The following FAM149A variants were observed in gnomAD, a reference collection of about 807,000 sequenced individuals.
FAM149A encodes protein FAM149A.
A neutral mutation model predicts 78.2 loss-of-function variants in FAM149A; 71 were observed. The ratio of observed to expected loss-of-function variants is 0.91; its 90% CI spans 0.75 to 1.11. FAM149A has a LOEUF of 1.11. Ranked by LOEUF, FAM149A falls within the 50% of genes least tolerant of loss-of-function variation. FAM149A has a pLI of 0.00. For synonymous variants in FAM149A, 446 were observed against 410.5 expected, an observed-to-expected ratio of 1.09 and a Z score of -1.04; for missense variants, 1,036 against 971.0, an observed-to-expected ratio of 1.07 and a Z score of -0.89.
At chr4:186,157,103 A>G (rs1027147621) in intron 7 of FAM149A, among the ~76,000 whole-genome samples, 11 of 152,008 alleles carry the variant, frequency 7.2e-5, no homozygotes, top group Non-Finnish European at 1.6e-4. Flanking sequence ...TGTTCGTGAC[A>G]TTATCTGTAA....
chr4:186,109,562 G>A (rs2099310349), intron 1 of FAM149A: 1 of 985,338 alleles, frequency 1.0e-6, no homozygotes. Flanking sequence ...TTCTTCCCTA[G>A]CTGTAGTTTT....
At chr4:186,114,006 C>T (rs200175229) in intron 1 of FAM149A, among the ~76,000 whole-genome samples, 26,176 of 144,108 alleles carry the variant, frequency 0.18, 2,941 homozygotes, top group Non-Finnish European at 0.24. Context: ...TTAAAGTCTC[C>T]CATTATTATT....
intron 7 of FAM149A, among the ~76,000 whole-genome samples, chr4:186,156,999 A>G (rs751990071): frequency 4.6e-5 from 7 of 152,210 alleles, no homozygotes; most frequent in Admixed American, 4.6e-4. Flanking sequence ...GAAAACACAC[A>G]GATACACAAG....
Position 186,162,909 on chromosome 4 carries a change from C to T in FAM149A, c.1640C>T (p.Pro547Leu), listed in dbSNP as rs1000736356. 2.4e-5 allele frequency: 38 copies of T among 1,610,542 alleles called. No individual in the cohort carries two copies. Among genetic ancestry groups the T allele is most frequent in the East Asian group, 1.3e-4 (6 of 44,706 alleles). Reference sequence around the variant, plus strand: ...GGTGTCATGACAATTCAAGCAAAACCGCTTCAGCGGAGACCTGCCTATTTT... The same window carrying T: ...GGTGTCATGACAATTCAAGCAAAACTGCTTCAGCGGAGACCTGCCTATTTT... The change falls in exon 9 of 14, where the codon CCG (proline) becomes CTG (leucine). Residue 547 changes from proline to leucine, a missense_variant. Transcript: ENST00000389354.
chr4:186,105,515 C>T lies in FAM149A; in HGVS notation c.439C>T (p.Pro147Ser). ...CGCGCTCCCCAGGAACCCGCTCCAG[C>T]CTGGCCCCGGAGAGCGAGAGCTCGG... Residue 147 changes from proline (P) to serine (S), a missense_variant, in exon 1 of 14, where the codon CCT becomes TCT. Physicochemically the swap from Pro to Ser is moderately conservative, Grantham distance 74. This residue lies in a region of FAM149A where 316 missense variants were observed against 241.9 expected (regional missense o/e 1.31). Coordinates refer to ENST00000389354, the MANE Select transcript of FAM149A (RefSeq NM_001367768.3). The T allele has an allele frequency of 8.6e-7, 1 of 1,164,330 alleles. No homozygotes were observed. The highest frequency in any genetic ancestry group is 1.1e-6 in the Non-Finnish European group (1 of 936,488). 72.1% of individuals were successfully genotyped at this position (1,164,330 alleles called of 1,614,324 possible).
In FAM149A at chr4:186,163,418, T is replaced by C. The variant is rs777818624; in HGVS notation, c.1680-6T>C. 1.9e-6 allele frequency: 3 copies of C among 1,612,128 alleles called. No homozygotes were observed. Among genetic ancestry groups the C allele is most frequent in the Admixed American group, 1.7e-5 (1 of 59,988 alleles). On this transcript the variant is annotated splice_polypyrimidine_tract_variant and splice_region_variant and intron_variant, in intron 9 of 13. Coordinates refer to ENST00000389354, the MANE Select transcript of FAM149A (RefSeq NM_001367768.3). ...AGCTGAGTAGCTCACAGGATTTCCTTCCCAGGAATGAGAAGGAGGACAAAG... is the reference window on the plus strand; with the variant it reads ...AGCTGAGTAGCTCACAGGATTTCCTCCCCAGGAATGAGAAGGAGGACAAAG...
chr4:186,157,820 G>A lies in FAM149A; in HGVS notation c.1575+101G>A, dbSNP rs972546015. The A allele has an allele frequency of 5.1e-6, 8 of 1,558,298 alleles. No homozygotes were observed. In the African/African-American group the frequency reaches 8.2e-5, roughly 16 times the overall value. ...CTGCAGTACTGAGATATTTGGGGCT[G>A]CTTTCCACGCTGCCCGCAGAGGGGT... On this transcript the variant is annotated intron_variant, in intron 8 of 13. Coordinates refer to ENST00000389354, the MANE Select transcript of FAM149A (RefSeq NM_001367768.3).
At position 186,105,014 on chromosome 4, in the gene FAM149A, G is replaced by A. The variant is rs1344102273; in HGVS notation, c.-63G>A. 3 of 1,246,596 alleles carry A rather than the reference G, an allele frequency of 2.4e-6. No individual in the cohort carries two copies. Among genetic ancestry groups the A allele is most frequent in the African/African-American group, 1.6e-5 (1 of 61,530 alleles). The allele number at this position is 1,246,596 out of a possible 1,614,324, so 77.2% of individuals were successfully genotyped here. A position where few individuals can be genotyped will look rare whatever the true frequency, so the allele number is the denominator to read the frequency against. On this transcript the variant is annotated 5_prime_UTR_variant, in exon 1 of 14. Transcript: ENST00000389354. Reference sequence around the variant, plus strand: ...TCCTCGCCCCGGCCCGGGCCGCCTCGGCCGGATCTCCGCGGTCTGAACTCT... The same window carrying A: ...TCCTCGCCCCGGCCCGGGCCGCCTCAGCCGGATCTCCGCGGTCTGAACTCT...
At chr4:186,122,143 A>AC (rs1279709558) in intron 1 of FAM149A, among the ~76,000 whole-genome samples, 4 of 152,230 alleles carry the variant, frequency 2.6e-5, no homozygotes. Context: ...AAGAAGTCTG[A>AC]AAGAAGCTAT....
chr4:186,156,276 C>A (rs1290125488), intron 7 of FAM149A, 86 bp downstream of exon 7: 1 of 1,096,330 alleles, frequency 9.1e-7, no homozygotes, highest in Non-Finnish European at 1.3e-6. Flanking sequence ...TTGGCCAGAC[C>A]TAGAACGTGA....
chr4:186,169,503 G>A (rs1384971796), intron 13 of FAM149A: 7 of 983,384 alleles, frequency 7.1e-6, no homozygotes, highest in Non-Finnish European at 8.4e-6. Context: ...CCTCAAAAAT[G>A]GAAAGCTCTT....
chr4:186,111,780 G>A (rs1469135743), intron 1 of FAM149A, among the ~76,000 whole-genome samples: 5 of 151,410 alleles, frequency 3.3e-5, no homozygotes, highest in African/African-American at 7.3e-5. Flanking sequence ...CCAGTACCAT[G>A]CTGTTTTGGT....
intron 13 of FAM149A, chr4:186,167,650 A>T (rs567851618): frequency 3.2e-6 from 1 of 309,846 alleles, no homozygotes; most frequent in Non-Finnish European, 6.4e-6. Flanking sequence ...TGCTTGAGAA[A>T]ATTAACACAG....
At position 186,164,078 on chromosome 4, in the gene FAM149A, T is replaced by C. The variant is rs574491339; in HGVS notation, c.1889+445T>C. Among the ~76,000 whole-genome samples the C allele has an allele frequency of 6.6e-6, 1 of 152,336 alleles. No individual in the cohort carries two copies. The highest frequency in any genetic ancestry group is 1.9e-4 in the East Asian group (1 of 5,186). On this transcript the variant is annotated intron_variant, in intron 10 of 13. Transcript: ENST00000389354. This position sits in a 1 kb window ranked among gnomAD's most constrained non-coding sequence, Gnocchi z 4.0. ...GTGGGAGTTTCAGCAAAGCTGTTGA[T>C]TGCAGGATTCACATCCCGTCATGGC...
intron 1 of FAM149A, chr4:186,123,273 A>G: frequency 1.0e-6 from 1 of 985,274 alleles, no homozygotes; most frequent in Non-Finnish European, 1.2e-6. Flanking sequence ...TTGGCAAAGT[A>G]TGGTTGTTAG....
chr4:186,162,809 T>G, intron 8 of FAM149A, 36 bp from the exon 9 acceptor site: 2 of 993,834 alleles, frequency 2.0e-6, no homozygotes, highest in Admixed American at 2.4e-5. Context: ...CATTTGTAAT[T>G]CTTTTTTTTT....
intron 7 of FAM149A, among the ~76,000 whole-genome samples, chr4:186,157,076 A>T (rs1295121696): frequency 6.6e-6 from 1 of 152,188 alleles, no homozygotes; most frequent in Non-Finnish European, 1.5e-5. Context: ...TCTAATAATG[A>T]GATATTTGTT....
chr4:186,149,093 AAG>A (rs1051474894), intron 1 of FAM149A, 78 bp from the exon 2 acceptor site: 11 of 1,169,388 alleles, frequency 9.4e-6, no homozygotes, highest in South Asian at 3.0e-5. Context: ...CTTTGTATAA[AAG>A]AGAAATTTTA....
chr4:186,143,114 G>A (rs1732645391), intron 1 of FAM149A, among the ~76,000 whole-genome samples: 1 of 142,586 alleles, frequency 7.0e-6, no homozygotes, highest in Non-Finnish European at 1.5e-5. Context: ...GCTAGCATAT[G>A]TTTGGATCTT....
Sources: gnomAD v4.1 joint callset for allele counts (sites outside exome capture counted in the v4.1 genomes callset) on GRCh38, gnomAD v4.1.1 for gene constraint, gnomAD v4.1.1 regional missense constraint, Gnocchi (gnomAD v3.1) non-coding constraint, MANE v1.5 for transcripts, NCBI Gene and HGNC (gene_info 2026-07-23, HGNC 2026-07-21) for gene names.